Variants in KCNIP3 observed in about 807,000 individuals in gnomAD.
The protein encoded by KCNIP3 is potassium voltage-gated channel interacting protein 3.
KCNIP3 carries 28 observed loss-of-function variants against 35.0 expected under a neutral mutation model. The ratio of observed to expected loss-of-function variants is 0.80; its 90% CI spans 0.59 to 1.10. KCNIP3 has a LOEUF of 1.10. Among genes scored for constraint, KCNIP3 ranks in the 50% least tolerant of loss-of-function variants. The pLI is 0.00. For missense variants in KCNIP3, 295 were observed against 338.4 expected (o/e 0.87, Z 1.01); for synonymous variants, 134 against 133.8 (o/e 1.00, Z -0.01).
chr2:95,338,596 C>G (rs369266264), intron 2 of KCNIP3, among the ~76,000 whole-genome samples: 2 of 152,186 alleles, frequency 1.3e-5, no homozygotes, highest in Non-Finnish European at 2.9e-5. Context: ...GCCATAAAGA[C>G]CCCGGGAAAT....
At position 95,383,306 on chromosome 2, in the gene KCNIP3, G is replaced by C. The variant is rs551818698; in HGVS notation, c.723+12G>C. On this transcript the variant is annotated intron_variant, in intron 8 of 8. Coordinates refer to ENST00000295225, the MANE Select transcript of KCNIP3 (RefSeq NM_013434.5). ...AGGCCTGTCAGAAGGTAGGTGGCAC[G>C]GGAGGCTGGGCCACAGTTCTCTGCA... 1 of 1,612,398 alleles carries C rather than the reference G, an allele frequency of 6.2e-7. No homozygotes were observed. Among genetic ancestry groups the C allele is most frequent in the Non-Finnish European group, 8.5e-7 (1 of 1,179,132 alleles).
intron 2 of KCNIP3, among the ~76,000 whole-genome samples, chr2:95,363,257 TG>T (rs1030677865): frequency 2.6e-5 from 4 of 152,214 alleles, no homozygotes; most frequent in Non-Finnish European, 4.4e-5. Context: ...CCATTCACAT[TG>T]GGGTCTCTAA....
chr2:95,368,854 C>G (rs1289314016), intron 2 of KCNIP3: 1 of 195,398 alleles, frequency 5.1e-6, no homozygotes, highest in East Asian at 1.2e-4. Flanking sequence ...TGTCCCTCAG[C>G]TTCCAGGTAG....
chr2:95,347,022 G>A, intron 2 of KCNIP3: 1 of 1,606,640 alleles, frequency 6.2e-7, no homozygotes, highest in Non-Finnish European at 8.5e-7. Flanking sequence ...GGCTTGCCAT[G>A]GGCATCCAGG....
intron 2 of KCNIP3, among the ~76,000 whole-genome samples, chr2:95,331,634 G>A (rs1362434138): frequency 6.6e-6 from 1 of 152,220 alleles, no homozygotes; most frequent in Non-Finnish European, 1.5e-5. Flanking sequence ...GACATTTGCA[G>A]AAGGCTGCTA....
At chr2:95,338,324 C>T (rs577699195) in intron 2 of KCNIP3, among the ~76,000 whole-genome samples, 4 of 152,294 alleles carry the variant, frequency 2.6e-5, no homozygotes, top group Non-Finnish European at 5.9e-5. Context: ...TTAAATGAGA[C>T]GAGTTTAGCT....
intron 1 of KCNIP3, among the ~76,000 whole-genome samples, chr2:95,300,782 G>A (rs114128565): frequency 7.7e-4 from 118 of 152,360 alleles, no homozygotes; most frequent in African/African-American, 2.7e-3. Context: ...TGAGACGGGA[G>A]GGCAGCGTGG....
At chr2:95,309,879 A>G (rs1400025105) in intron 1 of KCNIP3, among the ~76,000 whole-genome samples, 1 of 152,084 alleles carries the variant, frequency 6.6e-6, no homozygotes, top group Non-Finnish European at 1.5e-5. Flanking sequence ...ATTCATTCTC[A>G]GCTTGCCTCA....
At chr2:95,307,838 C>T (rs895037484) in intron 1 of KCNIP3, among the ~76,000 whole-genome samples, 1 of 152,194 alleles carries the variant, frequency 6.6e-6, no homozygotes, top group African/African-American at 2.4e-5. Context: ...CTCTGCTCAC[C>T]CCCCACGCAG....
In KCNIP3 at chr2:95,310,538, C is replaced by A; in HGVS notation, c.181+18C>A. ...GGGCTCAGGTAGGGGCCAGGGTGGG[C>A]TGTGGTCAAGGGTGGGGGTGGGGAG... is the stretch of plus-strand genomic sequence containing the variant. On this transcript the variant is annotated intron_variant, in intron 2 of 8. Coordinates refer to ENST00000295225, the MANE Select transcript of KCNIP3 (RefSeq NM_013434.5). 1.9e-6 allele frequency: 2 copies of A among 1,035,008 alleles called. No individual in the cohort carries two copies. The highest frequency in any genetic ancestry group is 1.4e-5 in the South Asian group (1 of 73,298). 64.1% of individuals were successfully genotyped at this position (1,035,008 alleles called of 1,614,324 possible).
chr2:95,315,963 G>A (rs557920943), intron 2 of KCNIP3, among the ~76,000 whole-genome samples: 9 of 152,192 alleles, frequency 5.9e-5, no homozygotes, highest in Non-Finnish European at 1.2e-4. Flanking sequence ...GTTGATACTC[G>A]ATTGCTGTTG....
intron 1 of KCNIP3, among the ~76,000 whole-genome samples, chr2:95,300,826 C>G (rs1009258995): frequency 6.6e-6 from 1 of 152,224 alleles, no homozygotes; most frequent in African/African-American, 2.4e-5. Context: ...TCGGCCCAGC[C>G]TCCCCCTCTG....
At chr2:95,316,150 A>G (rs1678454952) in intron 2 of KCNIP3, among the ~76,000 whole-genome samples, 1 of 152,226 alleles carries the variant, frequency 6.6e-6, no homozygotes. Flanking sequence ...GGGGCCTGCC[A>G]TGGCCCCGTA....
intron 2 of KCNIP3, among the ~76,000 whole-genome samples, chr2:95,314,851 C>T (rs918147659): frequency 9.2e-5 from 14 of 152,210 alleles, no homozygotes; most frequent in African/African-American, 3.4e-4. Flanking sequence ...GGGGCCTTTG[C>T]GTGTTTTCCC....
At chr2:95,302,203 C>G (rs962410087) in intron 1 of KCNIP3, among the ~76,000 whole-genome samples, 1 of 152,136 alleles carries the variant, frequency 6.6e-6, no homozygotes, top group African/African-American at 2.4e-5. Flanking sequence ...GGGTGGGGAG[C>G]CCCACATCTG....
intron 2 of KCNIP3, among the ~76,000 whole-genome samples, chr2:95,350,765 G>C (rs1434911250): frequency 6.6e-6 from 1 of 152,192 alleles, no homozygotes; most frequent in East Asian, 1.9e-4. Context: ...AATCACCTGG[G>C]AACTTTAAAA....
At position 95,325,892 on chromosome 2, in the gene KCNIP3, CAT is replaced by C. The variant is rs566228750; in HGVS notation, c.181+15374_181+15375del. The stretch of plus-strand genomic sequence containing the variant: ...ACATACACTCAGACATACACACACT[CAT>C]AGACACACATTCACTCATACACATA... On this transcript the variant is annotated intron_variant, in intron 2 of 8. Transcript: ENST00000295225. Among the ~76,000 whole-genome samples, 1,402 of 151,174 alleles carry C rather than the reference CAT, an allele frequency of 9.3e-3. 19 individuals are homozygous for C. Among genetic ancestry groups the C allele is most frequent in the African/African-American group, 0.032 (1,306 of 41,108 alleles).
At chr2:95,367,260 C>T (rs1025613437) in intron 2 of KCNIP3, among the ~76,000 whole-genome samples, 4 of 151,848 alleles carry the variant, frequency 2.6e-5, no homozygotes, top group Admixed American at 2.6e-4. Flanking sequence ...GCGACGGAGC[C>T]AAACTCTGTC....
chr2:95,305,545 A>G (rs1573478039), intron 1 of KCNIP3, among the ~76,000 whole-genome samples: 2 of 152,080 alleles, frequency 1.3e-5, no homozygotes, highest in East Asian at 3.9e-4. Flanking sequence ...TACAATTTTT[A>G]TCACGTGTAG....
Sources: allele counts gnomAD v4.1 joint callset (sites outside exome capture counted in the v4.1 genomes callset), GRCh38; gene constraint gnomAD v4.1.1; transcripts MANE v1.5; gene names NCBI Gene and HGNC (gene_info 2026-07-23, HGNC 2026-07-21).